PARD3: variants seen among roughly 807,000 people sequenced by gnomAD.
The protein encoded by PARD3 is par-3 family cell polarity regulator, also known as partitioning defective 3 homolog.
In PARD3, 75 loss-of-function variants were observed where a neutral mutation model predicts 155.4. The observed-to-expected ratio is 0.48, with a 90% CI of 0.40 to 0.58. The LOEUF is 0.58. PARD3 is among the 20% of genes least tolerant of loss of function. The probability of loss-of-function intolerance (pLI) is 0.00; values close to 1 mark genes in which losing one functional copy is unlikely to be tolerated. For synonymous variants in PARD3, 576 were observed against 610.5 expected (o/e 0.94, Z 0.83); for missense variants, 1,642 against 1,721.7 (o/e 0.95, Z 0.82).
chr10:34,209,331 A>C (rs1398498170), intron 22 of PARD3, among the ~76,000 whole-genome samples: 1 of 152,214 alleles, frequency 6.6e-6, no homozygotes, highest in Non-Finnish European at 1.5e-5. Flanking sequence ...AGCCCCAAGG[A>C]TTCTTTTAAT....
chr10:34,382,450 G>C, intron 9 of PARD3, 90 bp downstream of exon 9: 1 of 1,375,938 alleles, frequency 7.3e-7, no homozygotes, highest in East Asian at 2.3e-5. Context: ...TGGGTTAGTA[G>C]GTTGACTTTT....
At chr10:34,527,859 T>C (rs79573966) in intron 2 of PARD3, among the ~76,000 whole-genome samples, 3,441 of 152,310 alleles carry the variant, frequency 0.023, 119 homozygotes, top group African/African-American at 0.078. Context: ...TCTGACTCCT[T>C]TTTTGCTACT....
intron 22 of PARD3, among the ~76,000 whole-genome samples, chr10:34,238,702 C>T (rs1953390383): frequency 6.6e-6 from 1 of 152,186 alleles, no homozygotes; most frequent in Non-Finnish European, 1.5e-5. Flanking sequence ...CGGGAATAGA[C>T]ACTCACTTGG....
intron 19 of PARD3, among the ~76,000 whole-genome samples, chr10:34,322,594 AAAT>A (rs1405866121): frequency 6.6e-6 from 1 of 152,206 alleles, no homozygotes; most frequent in Non-Finnish European, 1.5e-5. Flanking sequence ...TACTAGATTT[AAAT>A]AATTTGTTTA....
intron 17 of PARD3, 176 bp from the exon 18 acceptor site, chr10:34,336,419 C>T (rs749245542): frequency 2.2e-5 from 12 of 555,748 alleles, no homozygotes; most frequent in East Asian, 9.0e-5. Flanking sequence ...AAAGCAGTGT[C>T]TCCATGCAAT....
chr10:34,311,669 C>T (rs1052223039), intron 20 of PARD3, among the ~76,000 whole-genome samples: 1 of 152,204 alleles, frequency 6.6e-6, no homozygotes, highest in Non-Finnish European at 1.5e-5. Context: ...GCCAAAGTAG[C>T]TCTGCTTTTT....
chr10:34,653,794 CAAAAAA>C (rs55894819), intron 2 of PARD3, among the ~76,000 whole-genome samples: 1 of 130,286 alleles, frequency 7.7e-6, no homozygotes. Flanking sequence ...ACCTCGACTC[CAAAAAA>C]AAAAAAAAAA....
intron 2 of PARD3, among the ~76,000 whole-genome samples, chr10:34,668,146 C>T (rs2093534321): frequency 6.6e-6 from 1 of 152,170 alleles, no homozygotes; most frequent in Admixed American, 6.5e-5. Context: ...CAAATAATTC[C>T]TCATCTGCAA....
intron 2 of PARD3, among the ~76,000 whole-genome samples, chr10:34,559,934 T>C (rs555092836): frequency 1.3e-5 from 2 of 152,274 alleles, no homozygotes; most frequent in Non-Finnish European, 2.9e-5. Context: ...ATATAGGGCA[T>C]TTAAAATGAG....
At chr10:34,531,828 C>T (rs2082879988) in intron 2 of PARD3, among the ~76,000 whole-genome samples, 2 of 152,154 alleles carry the variant, frequency 1.3e-5, no homozygotes, top group African/African-American at 4.8e-5. Context: ...TCAAGGTTTA[C>T]AGTTTCATAT....
chr10:34,731,245 A>G (rs2094812167), intron 1 of PARD3, among the ~76,000 whole-genome samples: 1 of 152,232 alleles, frequency 6.6e-6, no homozygotes, highest in African/African-American at 2.4e-5. Flanking sequence ...TTCAACTTGC[A>G]TGGCATAAAA....
At chr10:34,698,771 G>A (rs2094220248) in intron 1 of PARD3, among the ~76,000 whole-genome samples, 1 of 152,224 alleles carries the variant, frequency 6.6e-6, no homozygotes, top group Non-Finnish European at 1.5e-5. Context: ...TGTCAAGCGT[G>A]AGCCTTTAAA....
intron 3 of PARD3, among the ~76,000 whole-genome samples, chr10:34,488,281 T>G (rs2079608123): frequency 6.6e-6 from 1 of 152,072 alleles, no homozygotes; most frequent in Non-Finnish European, 1.5e-5. Context: ...GCTTTTCATC[T>G]TGCACATGAA....
At chr10:34,646,630 T>C (rs892758883) in intron 2 of PARD3, among the ~76,000 whole-genome samples, 2 of 152,218 alleles carry the variant, frequency 1.3e-5, no homozygotes, top group Non-Finnish European at 2.9e-5. Flanking sequence ...ATTACTTAGA[T>C]GGGAGCGTTT....
intron 22 of PARD3, among the ~76,000 whole-genome samples, chr10:34,173,699 G>A (rs1949906461): frequency 6.6e-6 from 1 of 152,138 alleles, no homozygotes; most frequent in East Asian, 1.9e-4. Flanking sequence ...ACTTTTCTAA[G>A]AGGAAGACAC....
At chr10:34,647,013 A>AT (rs2133011457) in intron 2 of PARD3, among the ~76,000 whole-genome samples, 1 of 152,248 alleles carries the variant, frequency 6.6e-6, no homozygotes, top group East Asian at 1.9e-4. Context: ...TTGGGTATTT[A>AT]TTTTTTGGAA....
intron 1 of PARD3, among the ~76,000 whole-genome samples, chr10:34,776,780 A>C (rs1215734366): frequency 2.0e-5 from 3 of 146,842 alleles, no homozygotes; most frequent in Non-Finnish European, 3.0e-5. Flanking sequence ...AAAAGAAAAC[A>C]AAAAAAAACA....
chr10:34,186,104 T>G (rs554876770), intron 22 of PARD3, among the ~76,000 whole-genome samples: 1 of 151,832 alleles, frequency 6.6e-6, no homozygotes, highest in East Asian at 1.9e-4. Flanking sequence ...TCTCTCACCC[T>G]GCAACCCAAA....
intron 2 of PARD3, among the ~76,000 whole-genome samples, chr10:34,544,635 G>A (rs1342741568): frequency 6.6e-6 from 1 of 152,168 alleles, no homozygotes; most frequent in Non-Finnish European, 1.5e-5. Context: ...TGCTGAATCA[G>A]AAACTCTGGG....
Sources: gnomAD v4.1 joint callset for allele counts (sites outside exome capture counted in the v4.1 genomes callset) on GRCh38, gnomAD v4.1.1 for gene constraint, MANE v1.5 for transcripts, NCBI Gene and HGNC (gene_info 2026-07-23, HGNC 2026-07-21) for gene names.